TMC1: variants seen among roughly 807,000 people sequenced by gnomAD.
TMC1 encodes transmembrane channel like 1, also known as transmembrane channel-like protein 1.
In TMC1, 84 loss-of-function variants were observed where a neutral mutation model predicts 105.8. The ratio of observed to expected loss-of-function variants is 0.79; its 90% confidence interval spans 0.67 to 0.95. The LOEUF (loss-of-function observed/expected upper bound fraction) is 0.95, where lower values mean the gene tolerates loss of function less well. Ranked by LOEUF, TMC1 falls within the 40% of genes least tolerant of loss-of-function variation. TMC1 has a pLI of 0.00. For synonymous variants in TMC1, 315 were observed against 311.5 expected (o/e 1.01, Z -0.12); for missense variants, 817 against 914.1 (o/e 0.89, Z 1.37).
intron 11 of TMC1, among the ~76,000 whole-genome samples, chr9:72,752,944 C>T (rs1318874723): frequency 6.6e-6 from 1 of 152,142 alleles, no homozygotes; most frequent in Non-Finnish European, 1.5e-5. Context: ...TGCGTCACAA[C>T]AAATTTATGA....
chr9:72,832,824 G>A (rs916273651), intron 23 of TMC1, among the ~76,000 whole-genome samples: 1 of 152,000 alleles, frequency 6.6e-6, no homozygotes, highest in Non-Finnish European at 1.5e-5. Flanking sequence ...CTACATGTGT[G>A]CATAATTTAG....
chr9:72,549,272 G>T (rs1823820579), intron 1 of TMC1, among the ~76,000 whole-genome samples: 2 of 151,942 alleles, frequency 1.3e-5, no homozygotes, highest in South Asian at 4.2e-4. Context: ...ATTTTTTTGT[G>T]TGTGTGTGAG....
At chr9:72,800,832 T>C (rs2118224264) in intron 17 of TMC1, among the ~76,000 whole-genome samples, 1 of 152,102 alleles carries the variant, frequency 6.6e-6, no homozygotes, top group East Asian at 1.9e-4. Flanking sequence ...GAATGTTGAT[T>C]AGGCAGATGG....
At chr9:72,736,007 G>T (rs1827292257) in intron 8 of TMC1, among the ~76,000 whole-genome samples, 1 of 152,062 alleles carries the variant, frequency 6.6e-6, no homozygotes, top group Non-Finnish European at 1.5e-5. Flanking sequence ...GGGGGTGCTG[G>T]CAGGGATCTC....
intron 1 of TMC1, among the ~76,000 whole-genome samples, chr9:72,564,152 C>T (rs1587960334): frequency 6.6e-6 from 1 of 152,204 alleles, no homozygotes; most frequent in African/African-American, 2.4e-5. Flanking sequence ...TTTACCAATG[C>T]CATTTTTTGT....
chr9:72,715,851 T>G (rs1826907991), intron 8 of TMC1, among the ~76,000 whole-genome samples: 1 of 152,192 alleles, frequency 6.6e-6, no homozygotes, highest in Non-Finnish European at 1.5e-5. Context: ...TTCTGGTTTT[T>G]GGAATGTTCA....
intron 5 of TMC1, among the ~76,000 whole-genome samples, chr9:72,663,010 A>G (rs73650831): frequency 0.1 from 15,508 of 152,228 alleles, 969 homozygotes; most frequent in African/African-American, 0.16. Context: ...CAGGAATTGC[A>G]GTAGAGAAAG....
At chr9:72,821,179 A>C in intron 20 of TMC1, 98 bp downstream of exon 20, 1 of 1,574,576 alleles carries the variant, frequency 6.4e-7, no homozygotes, top group Non-Finnish European at 8.7e-7. Flanking sequence ...CCCCCCAAAC[A>C]ATGACATTTT....
chr9:72,582,425 A>G (rs908502783), intron 2 of TMC1, among the ~76,000 whole-genome samples: 5 of 152,344 alleles, frequency 3.3e-5, no homozygotes, highest in African/African-American at 1.2e-4. Flanking sequence ...AATTTAAAGC[A>G]CAGTTGATCT....
chr9:72,697,282 C>T (rs554352284), intron 7 of TMC1, among the ~76,000 whole-genome samples: 5 of 152,196 alleles, frequency 3.3e-5, no homozygotes, highest in Admixed American at 2.0e-4. Context: ...TTTTGTGCAA[C>T]CTAATTTGCT....
chr9:72,807,227 TGAGAGGGAGACCGTGGAAAGAGAGG>T (rs535676831), intron 18 of TMC1, among the ~76,000 whole-genome samples: 6 of 152,174 alleles, frequency 3.9e-5, no homozygotes, highest in Non-Finnish European at 7.4e-5. Flanking sequence ...CGGCTCAGCA[TGAGAGGGAGACCGTGGAAAGAGAGG>T]GAGAGGGAGA....
At chr9:72,755,080 G>C (rs1333343998) in intron 12 of TMC1, among the ~76,000 whole-genome samples, 196 bp downstream of exon 12, 2 of 148,666 alleles carry the variant, frequency 1.3e-5, no homozygotes, top group African/African-American at 5.1e-5. Flanking sequence ...GGGAGAGAGA[G>C]AGAGAGAGAG....
intron 2 of TMC1, among the ~76,000 whole-genome samples, chr9:72,583,323 A>C (rs1165602070): frequency 6.6e-5 from 10 of 152,200 alleles, no homozygotes; most frequent in Non-Finnish European, 1.2e-4. Flanking sequence ...AATAATTTTG[A>C]CACCTACTTC....
intron 8 of TMC1, among the ~76,000 whole-genome samples, chr9:72,722,786 T>C (rs773338426): frequency 7.9e-5 from 12 of 152,196 alleles, no homozygotes; most frequent in Non-Finnish European, 1.0e-4. Context: ...GACAGAAATG[T>C]GCTGGTAAAA....
At chr9:72,787,672 T>C (rs964170057) in intron 13 of TMC1, among the ~76,000 whole-genome samples, 2 of 151,414 alleles carry the variant, frequency 1.3e-5, no homozygotes, top group South Asian at 2.1e-4. Flanking sequence ...CACATATATA[T>C]ACACACACAC....
intron 5 of TMC1, among the ~76,000 whole-genome samples, chr9:72,684,708 G>C (rs1044875312): frequency 6.6e-6 from 1 of 152,198 alleles, no homozygotes; most frequent in East Asian, 1.9e-4. Flanking sequence ...AAATCCAACG[G>C]ATCTGATTAA....
chr9:72,732,565 CAAA>C (rs57237757), intron 8 of TMC1, among the ~76,000 whole-genome samples: 12 of 88,020 alleles, frequency 1.4e-4, no homozygotes, highest in Admixed American at 1.3e-4. Context: ...GTCTCTGTCT[CAAA>C]AAAAAAAAAA....
intron 8 of TMC1, among the ~76,000 whole-genome samples, chr9:72,736,789 T>A (rs1827305787): frequency 6.6e-6 from 1 of 152,080 alleles, no homozygotes; most frequent in Non-Finnish European, 1.5e-5. Context: ...GATGTATGGG[T>A]TCCTAAAAAT....
intron 8 of TMC1, among the ~76,000 whole-genome samples, chr9:72,716,827 C>G (rs541627432): frequency 4.6e-5 from 7 of 152,158 alleles, no homozygotes; most frequent in South Asian, 2.1e-4. Flanking sequence ...ACAACTCCTG[C>G]GGCTAGCTCT....
Sources: gnomAD v4.1 joint callset for allele counts (sites outside exome capture counted in the v4.1 genomes callset) on GRCh38, gnomAD v4.1.1 for gene constraint, MANE v1.5 for transcripts, NCBI Gene and HGNC (gene_info 2026-07-23, HGNC 2026-07-21) for gene names.